Variants in WWOX observed in about 807,000 individuals in gnomAD.
The protein encoded by WWOX is WW domain-containing oxidoreductase.
WWOX carries 69 observed loss-of-function variants against 46.2 expected under a neutral mutation model. The ratio of observed to expected loss-of-function variants is 1.49; its 90% CI spans 1.23 to 1.82. The LOEUF is 1.82. Among genes scored for constraint, WWOX ranks in the 40% most tolerant of loss-of-function variants. WWOX has a pLI of 0.00. For missense variants in WWOX, 919 were observed against 542.6 expected, an observed-to-expected ratio of 1.69 and a Z score of -6.89; for synonymous variants, 359 against 202.6, an observed-to-expected ratio of 1.77 and a Z score of -6.56.
intron 8 of WWOX, among the ~76,000 whole-genome samples, chr16:78,495,025 G>A (rs1485635751): frequency 3.9e-5 from 6 of 152,004 alleles, no homozygotes; most frequent in Admixed American, 6.5e-5. Flanking sequence ...CGGACATGAC[G>A]TACTGCAAAG....
intron 8 of WWOX, among the ~76,000 whole-genome samples, chr16:78,528,776 T>C (rs2043544602): frequency 6.6e-6 from 1 of 152,162 alleles, no homozygotes; most frequent in South Asian, 2.1e-4. Context: ...AAAGGCCTAT[T>C]TGTTTTTCAG....
intron 8 of WWOX, among the ~76,000 whole-genome samples, chr16:78,508,152 G>A (rs1392743374): frequency 6.6e-6 from 1 of 151,814 alleles, no homozygotes; most frequent in Non-Finnish European, 1.5e-5. Context: ...GAGATTACAG[G>A]TGCCCACCAC....
chr16:78,140,100 C>G (rs2033933854), intron 4 of WWOX, among the ~76,000 whole-genome samples: 2 of 152,064 alleles, frequency 1.3e-5, no homozygotes, highest in South Asian at 2.1e-4. Context: ...TATTGTAGCC[C>G]CAGGTGAGGC....
intron 8 of WWOX, among the ~76,000 whole-genome samples, chr16:79,200,776 C>T (rs891683637): frequency 7.2e-5 from 11 of 152,100 alleles, no homozygotes; most frequent in Admixed American, 4.6e-4. Context: ...CTGGCAAGTG[C>T]CTCTGTGCTG....
At chr16:78,119,826 T>C (rs2032999960) in intron 4 of WWOX, among the ~76,000 whole-genome samples, 1 of 152,198 alleles carries the variant, frequency 6.6e-6, no homozygotes, top group South Asian at 2.1e-4. Flanking sequence ...GTAATGATGA[T>C]AAAACTTCTT....
intron 8 of WWOX, among the ~76,000 whole-genome samples, chr16:78,701,759 A>C (rs759408150): frequency 2.0e-5 from 3 of 151,954 alleles, no homozygotes; most frequent in Non-Finnish European, 2.9e-5. Flanking sequence ...CCAGTTAAGC[A>C]GTGGGCCCTT....
intron 8 of WWOX, among the ~76,000 whole-genome samples, chr16:78,856,341 A>T (rs548042809): frequency 6.6e-6 from 1 of 152,306 alleles, no homozygotes; most frequent in South Asian, 2.1e-4. Flanking sequence ...CTTTTATCGA[A>T]GTAGAAGTTG....
chr16:78,734,092 G>A (rs367603491), intron 8 of WWOX, among the ~76,000 whole-genome samples: 7 of 151,664 alleles, frequency 4.6e-5, no homozygotes, highest in African/African-American at 1.2e-4. Context: ...TAAATAAGTC[G>A]TCCATCCGTC....
intron 8 of WWOX, among the ~76,000 whole-genome samples, chr16:78,744,045 C>T (rs1260933593): frequency 2.0e-5 from 3 of 152,128 alleles, no homozygotes; most frequent in Admixed American, 6.6e-5. Flanking sequence ...CGCCAAGAAC[C>T]TGGACGCCCT....
At chr16:78,610,821 T>C (rs923526315) in intron 8 of WWOX, among the ~76,000 whole-genome samples, 6 of 152,128 alleles carry the variant, frequency 3.9e-5, no homozygotes, top group African/African-American at 1.4e-4. Context: ...GCATTATCAT[T>C]ATTATTATTA....
At chr16:78,531,286 G>C (rs1318034909) in intron 8 of WWOX, among the ~76,000 whole-genome samples, 1 of 152,158 alleles carries the variant, frequency 6.6e-6, no homozygotes. Context: ...TCTCCGAGAT[G>C]GATGGTTGCA....
chr16:78,157,994 C>A (rs900331246), intron 4 of WWOX, among the ~76,000 whole-genome samples: 28 of 152,318 alleles, frequency 1.8e-4, no homozygotes, highest in African/African-American at 6.5e-4. Flanking sequence ...TTTACAGAAA[C>A]GATAACTGAG....
intron 8 of WWOX, among the ~76,000 whole-genome samples, chr16:78,612,984 G>T (rs779206655): frequency 6.6e-6 from 1 of 152,100 alleles, no homozygotes; most frequent in African/African-American, 2.4e-5. Context: ...CCTACCTGTG[G>T]ATCTATGACC....
At chr16:78,241,129 G>T (rs775860256) in intron 5 of WWOX, 9 of 152,204 alleles carry the variant, frequency 5.9e-5, no homozygotes, top group Non-Finnish European at 8.8e-5. Flanking sequence ...TACCCCCATT[G>T]TACAGATGAA....
chr16:78,788,701 A>T (rs2050518473), intron 8 of WWOX, among the ~76,000 whole-genome samples: 1 of 152,214 alleles, frequency 6.6e-6, no homozygotes, highest in African/African-American at 2.4e-5. Flanking sequence ...GAGTTCTGTC[A>T]TCTGCTCCAG....
intron 8 of WWOX, among the ~76,000 whole-genome samples, chr16:78,467,882 A>G (rs539447543): frequency 6.6e-6 from 1 of 152,236 alleles, no homozygotes; most frequent in South Asian, 2.1e-4. Context: ...ATATAAAATG[A>G]CTCCAAACTC....
chr16:78,884,781 T>G (rs1299262336), intron 8 of WWOX, among the ~76,000 whole-genome samples: 4 of 152,236 alleles, frequency 2.6e-5, no homozygotes, highest in Non-Finnish European at 5.9e-5. Context: ...CACATGTATG[T>G]TTTGTGAATT....
intron 1 of WWOX, among the ~76,000 whole-genome samples, chr16:78,106,748 A>C (rs1291214336): frequency 6.6e-6 from 1 of 151,964 alleles, no homozygotes; most frequent in Non-Finnish European, 1.5e-5. Flanking sequence ...GTGATATTGG[A>C]TGGTGGTTGA....
At chr16:78,240,776 A>G (rs909117879) in intron 5 of WWOX, among the ~76,000 whole-genome samples, 1 of 152,214 alleles carries the variant, frequency 6.6e-6, no homozygotes, top group Non-Finnish European at 1.5e-5. Context: ...TGGGCCAGGC[A>G]GGTATTGCAG....
Sources: allele counts gnomAD v4.1 joint callset (sites outside exome capture counted in the v4.1 genomes callset), GRCh38; gene constraint gnomAD v4.1.1; transcripts MANE v1.5; gene names NCBI Gene and HGNC (gene_info 2026-07-23, HGNC 2026-07-21).